Variants in ATP6V0A1 observed in about 807,000 individuals in gnomAD.
ATP6V0A1 encodes ATPase H+ transporting V0 subunit a1.
A neutral mutation model predicts 105.4 loss-of-function variants in ATP6V0A1; 43 were observed. The observed-to-expected ratio is 0.41, with a 90% CI of 0.32 to 0.53. The LOEUF (loss-of-function observed/expected upper bound fraction) is 0.53. ATP6V0A1 is among the 20% of genes least tolerant of loss of function. The pLI is 0.30. For missense variants in ATP6V0A1, 676 were observed against 1,051.1 expected (o/e 0.64, Z 4.93); for synonymous variants, 362 against 372.8 (o/e 0.97, Z 0.33).
chr17:42,496,061 CAAAAAAAAAAAA>C (rs11352520), intron 14 of ATP6V0A1: 1 of 97,190 alleles, frequency 1.0e-5, no homozygotes, highest in Non-Finnish European at 2.0e-5. Context: ...GACTCCGTCT[CAAAAAAAAAAAA>C]AAAAAAAAGA....
chr17:42,514,074 G>A, intron 20 of ATP6V0A1, 96 bp downstream of exon 20: 1 of 1,407,438 alleles, frequency 7.1e-7, no homozygotes, highest in South Asian at 1.2e-5. Flanking sequence ...TTACATGAAG[G>A]TTCTGGAATT....
intron 9 of ATP6V0A1, among the ~76,000 whole-genome samples, chr17:42,484,551 G>A (rs1385126839): frequency 6.6e-6 from 1 of 152,084 alleles, no homozygotes; most frequent in Non-Finnish European, 1.5e-5. Flanking sequence ...AAAAAGCTCT[G>A]GTGTGACTTT....
At chr17:42,501,671 C>T (rs530510996) in intron 17 of ATP6V0A1, among the ~76,000 whole-genome samples, 129 of 151,900 alleles carry the variant, frequency 8.5e-4, no homozygotes, top group African/African-American at 2.8e-3. Flanking sequence ...CCTTGGCCTC[C>T]CAAAGTGCTG....
intron 9 of ATP6V0A1, among the ~76,000 whole-genome samples, chr17:42,484,459 C>T (rs2089897912): frequency 6.6e-6 from 1 of 152,190 alleles, no homozygotes; most frequent in Non-Finnish European, 1.5e-5. Context: ...CCTTCTCCCA[C>T]ACACCCTCCT....
At chr17:42,479,792 T>TAGTC (rs1415945693) in intron 7 of ATP6V0A1, among the ~76,000 whole-genome samples, 2 of 152,200 alleles carry the variant, frequency 1.3e-5, no homozygotes, top group Non-Finnish European at 2.9e-5. Flanking sequence ...TTGTAATTTG[T>TAGTC]AGTCACATTA....
intron 15 of ATP6V0A1, 47 bp downstream of exon 15, chr17:42,499,089 T>A (rs372973169): frequency 3.4e-5 from 45 of 1,342,144 alleles, no homozygotes; most frequent in African/African-American, 5.8e-5. Flanking sequence ...GTTTAGAGAA[T>A]GCTTTTGTGT....
chr17:42,509,272 C>G (rs2092219401), intron 19 of ATP6V0A1, among the ~76,000 whole-genome samples: 1 of 152,154 alleles, frequency 6.6e-6, no homozygotes, highest in African/African-American at 2.4e-5. Context: ...GCTAACTGTT[C>G]AGGCCACATC....
chr17:42,502,391 TG>T (rs995278778), intron 17 of ATP6V0A1, among the ~76,000 whole-genome samples: 2 of 152,210 alleles, frequency 1.3e-5, no homozygotes, highest in African/African-American at 4.8e-5. Context: ...CCAAAACATC[TG>T]GGAAAAAGGT....
chr17:42,501,173 C>A, intron 16 of ATP6V0A1, 24 bp from the exon 17 acceptor site: 1 of 1,575,452 alleles, frequency 6.3e-7, no homozygotes, highest in South Asian at 1.1e-5. Context: ...TATGATGTAC[C>A]TTGTCCTTCT....
Position 42,504,530 on chromosome 17 carries a change from G to A in ATP6V0A1, c.2005-2990G>A, listed in dbSNP as rs139551596. On this transcript the variant is annotated intron_variant, in intron 17 of 21. Transcript: ENST00000343619. ...GCAGGAGTCCCCTCCTGTGCCCTTC[G>A]TTGCATTTTCAGTCCACCTTCTGAG... 5.3e-5 allele frequency among the ~76,000 whole-genome samples: 8 copies of A among 152,140 alleles called. No homozygotes were observed. The East Asian group carries it at 1.4e-3, about 26-fold the overall frequency.
chr17:42,478,126 C>T lies in ATP6V0A1; in HGVS notation c.507-337C>T, dbSNP rs556647855. Among the ~76,000 whole-genome samples, 34 of 149,738 alleles carry T rather than the reference C, an allele frequency of 2.3e-4. No homozygotes were observed. In the South Asian group the frequency reaches 5.4e-3, roughly 24 times the overall value. On this transcript the variant is annotated intron_variant, in intron 6 of 21. Transcript: ENST00000343619. Reference sequence around the variant, plus strand: ...TATCACAAGGACAAAAAACCAAACACCACATGTTCTCACTCATAGGTGGAA... The same window carrying T: ...TATCACAAGGACAAAAAACCAAACATCACATGTTCTCACTCATAGGTGGAA...
At chr17:42,504,096 C>A (rs2091871362) in intron 17 of ATP6V0A1, among the ~76,000 whole-genome samples, 1 of 152,176 alleles carries the variant, frequency 6.6e-6, no homozygotes, top group African/African-American at 2.4e-5. Context: ...ATAGGGTCTT[C>A]TTACCCCACT....
At chr17:42,490,714 A>C in intron 11 of ATP6V0A1, 77 bp downstream of exon 11, 1 of 1,461,548 alleles carries the variant, frequency 6.8e-7, no homozygotes, top group Non-Finnish European at 9.2e-7. Flanking sequence ...TTTGAGACAG[A>C]GTCTCCCTCT....
chr17:42,507,696 G>A (rs2092112750), intron 18 of ATP6V0A1, 69 bp downstream of exon 18: 1 of 1,245,686 alleles, frequency 8.0e-7, no homozygotes, highest in Non-Finnish European at 1.2e-6. Context: ...GTACCTAAGA[G>A]GCCTCACTCC....
intron 8 of ATP6V0A1, among the ~76,000 whole-genome samples, chr17:42,482,656 G>A (rs1380709894): frequency 6.6e-6 from 1 of 151,988 alleles, no homozygotes; most frequent in Non-Finnish European, 1.5e-5. Flanking sequence ...CAGCACTTTG[G>A]GAGGCCGAGG....
chr17:42,480,578 T>G, intron 7 of ATP6V0A1, 89 bp from the exon 8 acceptor site: 1 of 1,260,390 alleles, frequency 7.9e-7, no homozygotes, highest in Non-Finnish European at 1.1e-6. Flanking sequence ...ATGCCTGTTG[T>G]TCTTGCATCA....
chr17:42,508,494 T>G (rs1304252157), intron 18 of ATP6V0A1, 78 bp from the exon 19 acceptor site: 2 of 1,576,994 alleles, frequency 1.3e-6, no homozygotes, highest in Admixed American at 1.7e-5. Context: ...CCAAGAAGCA[T>G]TCAGTAGCCT....
intron 5 of ATP6V0A1, among the ~76,000 whole-genome samples, chr17:42,472,983 A>G (rs1014482303): frequency 1.3e-5 from 2 of 152,146 alleles, no homozygotes; most frequent in Non-Finnish European, 2.9e-5. Context: ...TGGGCTAGAG[A>G]AGGTCTGCTG....
At chr17:42,477,858 A>G in intron 6 of ATP6V0A1, 116 bp downstream of exon 6, 2 of 815,674 alleles carry the variant, frequency 2.5e-6, no homozygotes, top group Non-Finnish European at 3.8e-6. Flanking sequence ...TTCTGAGCCT[A>G]TTGAGATAGT....
Sources: allele counts gnomAD v4.1 joint callset (sites outside exome capture counted in the v4.1 genomes callset), GRCh38; gene constraint gnomAD v4.1.1; transcripts MANE v1.5; gene names NCBI Gene and HGNC (gene_info 2026-07-23, HGNC 2026-07-21).